The following ADCY1 variants were observed in gnomAD, a reference collection of about 807,000 sequenced individuals.
The protein encoded by ADCY1 is adenylate cyclase type 1.
A neutral mutation model predicts 105.4 loss-of-function variants in ADCY1; 28 were observed. The observed-to-expected ratio is 0.27, with a 90% CI of 0.20 to 0.36. The LOEUF is 0.36. ADCY1 is among the 10% of genes least tolerant of loss of function. The probability of loss-of-function intolerance (pLI) is 1.00; values close to 1 mark genes in which losing one functional copy is unlikely to be tolerated. For missense variants in ADCY1, 977 were observed against 1,434.2 expected (o/e 0.68, Z 5.15); for synonymous variants, 655 against 623.8 (o/e 1.05, Z -0.75).
In ADCY1 at chr7:45,686,484, G is replaced by T; in HGVS notation, c.2328-63G>T. On this transcript the variant is annotated intron_variant, in intron 13 of 19. Transcript: ENST00000297323. The surrounding 1 kb of genome is among the most constrained non-coding windows in gnomAD (Gnocchi z 4.3). The stretch of plus-strand genomic sequence containing the variant: ...TCACTCTGAACAGTTCTTGGGTTTG[G>T]TGGCAGAGTCTTGCCCTGGAAGCTC... 1 of 1,559,136 alleles carries T rather than the reference G, an allele frequency of 6.4e-7. No individual in the cohort carries two copies.
rs138145630 is a variant in ADCY1, at chr7:45,660,071, C to T, written c.1337C>T (p.Ala446Val). Residue 446 changes from alanine (A) to valine (V), a missense_variant, in exon 7 of 20, where the codon GCG (alanine) becomes GTG (valine). By Grantham distance (64) the Ala-to-Val change is moderately conservative. Transcript: ENST00000297323. ...GTTCATATCACAAAGACGACCCTAG[C>T]GTGCTTGAATGGGGACTACGAGGTA... Reference protein sequence around the residue: ...GKVHITKTTLACLNGDYEVEP... With the variant: ...GKVHITKTTLVCLNGDYEVEP... 103 of 1,614,072 alleles carry T rather than the reference C, an allele frequency of 6.4e-5. No individual in the cohort carries two copies. The highest frequency in any genetic ancestry group is 8.6e-5 in the Non-Finnish European group (101 of 1,180,040).
intron 3 of ADCY1, 76 bp downstream of exon 3, chr7:45,610,573 GTGA>G: frequency 7.6e-7 from 1 of 1,320,778 alleles, no homozygotes; most frequent in African/African-American, 1.4e-5. Context: ...AGGTGGGGAG[GTGA>G]TGACAGAAGT....
At chr7:45,664,369 C>T in intron 8 of ADCY1, 5 of 1,536,116 alleles carry the variant, frequency 3.3e-6, no homozygotes, top group Non-Finnish European at 4.4e-6. Flanking sequence ...GACGACTGTG[C>T]ACGTAGCTTC....
At chr7:45,660,791 G>A (rs1467093892) in intron 7 of ADCY1, among the ~76,000 whole-genome samples, 1 of 149,292 alleles carries the variant, frequency 6.7e-6, no homozygotes, top group East Asian at 2.0e-4. Flanking sequence ...TCAGGTGAGG[G>A]TGCAGGGCTC....
chr7:45,652,546 T>C (rs1794837972), intron 5 of ADCY1, among the ~76,000 whole-genome samples: 1 of 152,258 alleles, frequency 6.6e-6, no homozygotes, highest in South Asian at 2.1e-4. Context: ...TTTATCGCTT[T>C]GAAGAATGTT....
At chr7:45,638,935 G>A (rs1034290832) in intron 4 of ADCY1, among the ~76,000 whole-genome samples, 18 of 152,158 alleles carry the variant, frequency 1.2e-4, no homozygotes, top group African/African-American at 4.3e-4. Context: ...GCAAGGGCCT[G>A]TTTCTGAGTC....
At chr7:45,657,338 G>C (rs1359259550) in intron 5 of ADCY1, among the ~76,000 whole-genome samples, 2 of 152,268 alleles carry the variant, frequency 1.3e-5, no homozygotes, top group African/African-American at 4.8e-5. Context: ...GGGAGCAGTG[G>C]CCTCACAGAG....
chr7:45,578,817 T>C (rs529562852), intron 1 of ADCY1, among the ~76,000 whole-genome samples: 30 of 152,362 alleles, frequency 2.0e-4, no homozygotes, highest in African/African-American at 7.0e-4. Context: ...GCTACTTTAC[T>C]CTGCACAGCC....
chr7:45,697,164 G>C (rs1370036324), intron 14 of ADCY1, among the ~76,000 whole-genome samples: 2 of 152,112 alleles, frequency 1.3e-5, no homozygotes, highest in Non-Finnish European at 2.9e-5. Context: ...TGGTATAAGT[G>C]GATATTCAAA....
chr7:45,687,384 C>A (rs781701283), intron 14 of ADCY1, among the ~76,000 whole-genome samples: 4 of 152,158 alleles, frequency 2.6e-5, no homozygotes, highest in Non-Finnish European at 5.9e-5. Flanking sequence ...CTGTGTCCAC[C>A]CCATGGCCAG....
rs1461851301 is a variant in ADCY1, at chr7:45,703,817, G to C, written c.2718+71G>C. On this transcript the variant is annotated intron_variant, in intron 16 of 19. Transcript: ENST00000297323. The surrounding 1 kb of genome is among the most constrained non-coding windows in gnomAD (Gnocchi z 5.9). The stretch of plus-strand genomic sequence containing the variant: ...GCATCCTGTTGCGTGGGCAGAGCGT[G>C]TCTCACAATATGTCACATTCTTCGT... The C allele has an allele frequency of 2.6e-5, 39 of 1,500,878 alleles. No individual in the cohort carries two copies. Among genetic ancestry groups the C allele is most frequent in the Admixed American group, 1.8e-4 (8 of 45,168 alleles). 93.0% of individuals were successfully genotyped at this position (1,500,878 alleles called of 1,614,324 possible). A position where few individuals can be genotyped will look rare whatever the true frequency, so the allele number is the denominator to read the frequency against.
intron 3 of ADCY1, among the ~76,000 whole-genome samples, chr7:45,616,850 G>C (rs1449668107): frequency 6.6e-6 from 1 of 152,174 alleles, no homozygotes; most frequent in Non-Finnish European, 1.5e-5. Context: ...ACAAAAAAAG[G>C]CATCCTAAAT....
rs532785620 is a variant in ADCY1 at position 45,678,069 on chromosome 7, C to T, written c.1800+6C>T. ...ATGTCGAACGGGAGCAAAAGGTAAG[C>T]AACTCTGGTTTTCGGCTTCCCTGGT... is the stretch of plus-strand genomic sequence containing the variant. On this transcript the variant is annotated splice_donor_region_variant and intron_variant, in intron 9 of 19. Transcript: ENST00000297323. The T allele has an allele frequency of 6.2e-7, 1 of 1,613,968 alleles. No individual in the cohort carries two copies. The highest frequency in any genetic ancestry group is 1.3e-5 in the African/African-American group (1 of 75,014).
rs868471618 is a variant in ADCY1 at position 45,651,999 on chromosome 7, T to C, written c.1148+3202T>C. On this transcript the variant is annotated intron_variant, in intron 5 of 19. Transcript: ENST00000297323. ...GACGAAAAGAGGTTTAATTGACTTG[T>C]AGTTCTACAGGCTGTACAGGAGGCA... is the stretch of plus-strand genomic sequence containing the variant. 2.0e-5 allele frequency among the ~76,000 whole-genome samples: 3 copies of C among 152,302 alleles called. No homozygotes were observed. The South Asian group carries it at 6.2e-4, about 32-fold the overall frequency.
At chr7:45,690,968 T>C (rs1784776545) in intron 14 of ADCY1, among the ~76,000 whole-genome samples, 1 of 152,168 alleles carries the variant, frequency 6.6e-6, no homozygotes, top group South Asian at 2.1e-4. Context: ...AGATCTGGGG[T>C]TTCCAGGTTA....
rs899924249 is a variant in ADCY1 at position 45,715,836 on chromosome 7, C to T, written c.*1841C>T. 6.5e-6 allele frequency: 1 copy of T among 152,740 alleles called. No individual in the cohort carries two copies. Among genetic ancestry groups the T allele is most frequent in the Admixed American group, 6.5e-5 (1 of 15,288 alleles). 9.5% of individuals were successfully genotyped at this position (152,740 alleles called of 1,614,324 possible). ...AGAGGCTGCATGTGGGGGCCCCTGTCTGCCTGTCCTTAGGGTGTGGATTAG... is the reference window on the plus strand; with the variant it reads ...AGAGGCTGCATGTGGGGGCCCCTGTTTGCCTGTCCTTAGGGTGTGGATTAG... On this transcript the variant is annotated 3_prime_UTR_variant, in exon 20 of 20. Coordinates refer to ENST00000297323, the MANE Select transcript of ADCY1 (RefSeq NM_021116.4).
intron 5 of ADCY1, among the ~76,000 whole-genome samples, chr7:45,651,533 A>C (rs527718387): frequency 6.6e-6 from 1 of 152,292 alleles, no homozygotes; most frequent in East Asian, 1.9e-4. Context: ...TGAACAGGTG[A>C]AGTGGCCAGA....
chr7:45,678,008 T>A lies in ADCY1; in HGVS notation c.1745T>A (p.Met582Lys), dbSNP rs752856161. The stretch of plus-strand genomic sequence containing the variant: ...GAAGCCCGCCAGACAGAGCTGGAGA[T>A]GGCAGACCTGAACTTCTTTACCCTG... ...LLEARQTELE[M>K]ADLNFFTLKY... The change falls in exon 9 of 20, where the codon ATG (methionine) becomes AAG (lysine). Residue 582 changes from methionine (M) to lysine (K), a missense_variant. Physicochemically the swap from Met to Lys is moderately conservative, Grantham distance 95 (BLOSUM62 -1). Transcript: ENST00000297323. 1 of 1,614,196 alleles carries A rather than the reference T, an allele frequency of 6.2e-7. No individual in the cohort carries two copies. The highest frequency in any genetic ancestry group is 8.5e-7 in the Non-Finnish European group (1 of 1,180,038).
chr7:45,669,340 C>T (rs1376795231), intron 8 of ADCY1, among the ~76,000 whole-genome samples: 1 of 152,124 alleles, frequency 6.6e-6, no homozygotes, highest in Non-Finnish European at 1.5e-5. Flanking sequence ...TCTTTGTTCT[C>T]GTTGGTTTCA....
Sources: gnomAD v4.1 joint callset for allele counts (sites outside exome capture counted in the v4.1 genomes callset) on GRCh38, gnomAD v4.1.1 for gene constraint, Gnocchi (gnomAD v3.1) non-coding constraint, MANE v1.5 for transcripts, NCBI Gene and HGNC (gene_info 2026-07-23, HGNC 2026-07-21) for gene names.